GNG4: variants seen among roughly 807,000 people sequenced by gnomAD.
GNG4 encodes G protein subunit gamma 4, also known as guanine nucleotide-binding protein G(I)/G(S)/G(O) subunit gamma-4.
GNG4 carries 4 observed loss-of-function variants against 5.8 expected under a neutral mutation model. That is an observed-to-expected ratio of 0.69 (90% CI 0.34 to 1.57). The LOEUF is 1.57. Ranked by LOEUF, GNG4 falls within the 40% of genes most tolerant of loss-of-function variation. GNG4 has a pLI of 0.06. For missense variants in GNG4, 96 were observed against 95.1 expected, an observed-to-expected ratio of 1.01 and a Z score of -0.04; for synonymous variants, 29 against 32.9, an observed-to-expected ratio of 0.88 and a Z score of 0.41.
intron 2 of GNG4, among the ~76,000 whole-genome samples, chr1:235,592,272 G>A (rs1687984115): frequency 6.6e-6 from 1 of 152,250 alleles, no homozygotes; most frequent in Non-Finnish European, 1.5e-5. Context: ...TTGGGAGGCC[G>A]AGGCAGGTGG....
At chr1:235,564,686 A>C (rs185465440) in intron 3 of GNG4, among the ~76,000 whole-genome samples, 4 of 152,246 alleles carry the variant, frequency 2.6e-5, no homozygotes, top group African/African-American at 9.6e-5. Context: ...TGGTCATCAT[A>C]GTTATTATTA....
chr1:235,587,808 G>T (rs1003688149), intron 2 of GNG4, among the ~76,000 whole-genome samples: 6 of 145,358 alleles, frequency 4.1e-5, no homozygotes, highest in African/African-American at 1.5e-4. Flanking sequence ...GTGAGAGTGT[G>T]AATACAGGCA....
At chr1:235,606,635 G>A (rs1370098796) in intron 1 of GNG4, among the ~76,000 whole-genome samples, 1 of 152,188 alleles carries the variant, frequency 6.6e-6, no homozygotes, top group Non-Finnish European at 1.5e-5. Flanking sequence ...GGGCCAGGCT[G>A]AACTTAGGAG....
At chr1:235,643,330 C>T (rs1192097504) in intron 1 of GNG4, among the ~76,000 whole-genome samples, 1 of 152,190 alleles carries the variant, frequency 6.6e-6, no homozygotes, top group African/African-American at 2.4e-5. Flanking sequence ...AAACCTGCCT[C>T]AGCTCACCAG....
At chr1:235,639,220 T>G (rs1657239339) in intron 1 of GNG4, among the ~76,000 whole-genome samples, 1 of 152,236 alleles carries the variant, frequency 6.6e-6, no homozygotes. Flanking sequence ...ATTCACAGAT[T>G]CACAAGTTCC....
chr1:235,590,926 G>A (rs953018524), intron 2 of GNG4, among the ~76,000 whole-genome samples: 7 of 152,138 alleles, frequency 4.6e-5, no homozygotes, highest in African/African-American at 1.2e-4. Flanking sequence ...GAATTTTAAC[G>A]TGCATATGAA....
At chr1:235,650,127 G>GC (rs1347773935), upstream of GNG4, 1 of 149,266 alleles carries the variant, frequency 6.7e-6, no homozygotes, top group Non-Finnish European at 1.5e-5. Flanking sequence ...CCGGGCCCGC[G>GC]CCCCCCGCCC....
chr1:235,577,757 T>C (rs1353977472), intron 3 of GNG4, among the ~76,000 whole-genome samples: 2 of 152,228 alleles, frequency 1.3e-5, no homozygotes, highest in African/African-American at 4.8e-5. Flanking sequence ...TGTTGTCATC[T>C]GGCCCTGGTG....
chr1:235,581,794 G>A (rs865898662), intron 3 of GNG4, among the ~76,000 whole-genome samples: 1 of 152,174 alleles, frequency 6.6e-6, no homozygotes, highest in African/African-American at 2.4e-5. Flanking sequence ...ATTTGTCTTT[G>A]ACTTTCCTCT....
At chr1:235,576,456 C>G (rs1350351143) in intron 3 of GNG4, among the ~76,000 whole-genome samples, 1 of 152,122 alleles carries the variant, frequency 6.6e-6, no homozygotes. Flanking sequence ...CCCTTAGAAC[C>G]CATATAGTTT....
intron 1 of GNG4, among the ~76,000 whole-genome samples, chr1:235,628,416 C>G (rs775851296): frequency 2.9e-5 from 4 of 136,772 alleles, no homozygotes; most frequent in African/African-American, 1.1e-4. Context: ...TGTTAGGAGA[C>G]GGGGGGGGGT....
intron 2 of GNG4, among the ~76,000 whole-genome samples, chr1:235,591,102 C>A (rs1056237614): frequency 6.6e-6 from 1 of 152,164 alleles, no homozygotes; most frequent in Non-Finnish European, 1.5e-5. Flanking sequence ...ACATGGAGGT[C>A]CGGTTCCAAT....
intron 2 of GNG4, among the ~76,000 whole-genome samples, chr1:235,594,710 C>A (rs906153145): frequency 6.6e-6 from 1 of 152,226 alleles, no homozygotes; most frequent in African/African-American, 2.4e-5. Flanking sequence ...CCACCCAGAA[C>A]TCACGCTGGT....
At chr1:235,588,227 C>T (rs76395125) in intron 2 of GNG4, among the ~76,000 whole-genome samples, 107,208 of 151,326 alleles carry the variant, frequency 0.71, 39,661 homozygotes, top group African/African-American at 0.92. Context: ...CCTTGTTGTG[C>T]GCTGGAGATA....
chr1:235,561,324 T>A (rs1029191463), intron 3 of GNG4, among the ~76,000 whole-genome samples: 2 of 152,062 alleles, frequency 1.3e-5, no homozygotes, highest in African/African-American at 2.4e-5. Flanking sequence ...GCCCATTTTT[T>A]AATGTGGTTG....
intron 2 of GNG4, among the ~76,000 whole-genome samples, chr1:235,587,603 GCA>G (rs1558486350): frequency 4.9e-5 from 1 of 20,450 alleles, no homozygotes. Flanking sequence ...GTGTGGGAGG[GCA>G]TGGGGTGGGG....
intron 3 of GNG4, among the ~76,000 whole-genome samples, chr1:235,557,456 G>A (rs949753889): frequency 1.3e-5 from 2 of 151,628 alleles, no homozygotes; most frequent in African/African-American, 4.9e-5. Context: ...CTTTCCCCCC[G>A]GCCCTGAGAA....
intron 1 of GNG4, among the ~76,000 whole-genome samples, chr1:235,643,301 C>G (rs1645224190): frequency 6.6e-6 from 1 of 152,226 alleles, no homozygotes; most frequent in Non-Finnish European, 1.5e-5. Context: ...AAAGCCCTTT[C>G]TCATTTGTCT....
chr1:235,581,811 T>C (rs1321404750), intron 3 of GNG4, among the ~76,000 whole-genome samples: 2 of 152,230 alleles, frequency 1.3e-5, no homozygotes, highest in Non-Finnish European at 2.9e-5. Flanking sequence ...CTCTTTCTTT[T>C]AGTGACAGTG....
Sources: gnomAD v4.1 joint callset for allele counts (sites outside exome capture counted in the v4.1 genomes callset) on GRCh38, gnomAD v4.1.1 for gene constraint, MANE v1.5 for transcripts, NCBI Gene and HGNC (gene_info 2026-07-23, HGNC 2026-07-21) for gene names.